Variants in TNS3 observed in about 807,000 individuals in gnomAD.
The protein encoded by TNS3 is tensin 3.
A neutral mutation model predicts 140.9 loss-of-function variants in TNS3; 45 were observed. That is an observed-to-expected ratio of 0.32 (90% confidence interval 0.25 to 0.41). The LOEUF is 0.41. Among genes scored for constraint, TNS3 ranks in the 10% least tolerant of loss-of-function variants. TNS3 has a pLI of 1.00. For synonymous variants in TNS3, 815 were observed against 788.4 expected (o/e 1.03, Z -0.56); for missense variants, 1,716 against 1,906.7 (o/e 0.90, Z 1.86).
At chr7:47,471,062 G>A (rs1796932697) in intron 4 of TNS3, among the ~76,000 whole-genome samples, 1 of 152,130 alleles carries the variant, frequency 6.6e-6, no homozygotes, top group African/African-American at 2.4e-5. Flanking sequence ...GGCCAAGGCT[G>A]CTGGGAAGCC....
intron 23 of TNS3, among the ~76,000 whole-genome samples, chr7:47,300,407 A>G (rs1388747884): frequency 4.6e-5 from 7 of 152,362 alleles, no homozygotes; most frequent in Admixed American, 1.3e-4. Context: ...GATCAAGCAC[A>G]TGCCAACAGC....
intron 17 of TNS3, among the ~76,000 whole-genome samples, chr7:47,363,157 TCA>T (rs59254419): frequency 0.62 from 71,276 of 115,404 alleles, 25,215 homozygotes; most frequent in Non-Finnish European, 0.8. Flanking sequence ...ATCATCATCA[TCA>T]GTCATCACCA....
intron 1 of TNS3, among the ~76,000 whole-genome samples, chr7:47,566,466 C>G (rs1020036298): frequency 9.9e-5 from 15 of 152,168 alleles, no homozygotes; most frequent in African/African-American, 3.6e-4. Context: ...ATTTTCTCCC[C>G]CTCTACTCTC....
intron 20 of TNS3, among the ~76,000 whole-genome samples, chr7:47,334,293 C>A (rs1385656999): frequency 6.6e-6 from 1 of 152,208 alleles, no homozygotes; most frequent in East Asian, 1.9e-4. Flanking sequence ...ACACCCTACT[C>A]TCCAGAAGAA....
intron 1 of TNS3, among the ~76,000 whole-genome samples, chr7:47,547,964 G>C (rs527489020): frequency 1.3e-5 from 2 of 152,202 alleles, no homozygotes; most frequent in African/African-American, 4.8e-5. Flanking sequence ...GCAGTGGCGC[G>C]ATCTCAGTTC....
chr7:47,505,024 T>C (rs768196552), intron 3 of TNS3, among the ~76,000 whole-genome samples: 20 of 152,156 alleles, frequency 1.3e-4, no homozygotes, highest in Non-Finnish European at 2.2e-4. Context: ...GGCGACAGGC[T>C]TCATTTAAGA....
chr7:47,542,685 C>G (rs1394678211), intron 1 of TNS3, among the ~76,000 whole-genome samples: 5 of 152,048 alleles, frequency 3.3e-5, no homozygotes, highest in African/African-American at 1.2e-4. Flanking sequence ...AATCCCAACA[C>G]TTTGGGAGGC....
chr7:47,552,586 A>T (rs1327224486), intron 1 of TNS3, among the ~76,000 whole-genome samples: 1 of 152,160 alleles, frequency 6.6e-6, no homozygotes, highest in African/African-American at 2.4e-5. Flanking sequence ...GTGCTCTTTG[A>T]TGTTACTATT....
chr7:47,321,953 C>T (rs1787759045), intron 20 of TNS3, among the ~76,000 whole-genome samples: 1 of 152,106 alleles, frequency 6.6e-6, no homozygotes, highest in South Asian at 2.1e-4. Context: ...CATCATCCAC[C>T]AAGGTTTTCC....
At chr7:47,404,301 C>T (rs1203753380) in intron 13 of TNS3, among the ~76,000 whole-genome samples, 2 of 152,190 alleles carry the variant, frequency 1.3e-5, no homozygotes, top group African/African-American at 4.8e-5. Flanking sequence ...ACTTTAAATT[C>T]TCTGACTGCA....
chr7:47,555,895 T>G (rs1410622210), intron 1 of TNS3, among the ~76,000 whole-genome samples: 2 of 152,254 alleles, frequency 1.3e-5, no homozygotes, highest in African/African-American at 4.8e-5. Flanking sequence ...TTTATTGCAA[T>G]GGTCCAGTTG....
intron 16 of TNS3, among the ~76,000 whole-genome samples, chr7:47,372,990 G>C (rs879794609): frequency 1.3e-5 from 2 of 152,116 alleles, no homozygotes; most frequent in Non-Finnish European, 2.9e-5. Flanking sequence ...CAGAGCTCTG[G>C]GTAGGCCATC....
intron 4 of TNS3, among the ~76,000 whole-genome samples, chr7:47,456,360 T>G (rs1214113969): frequency 1.3e-5 from 2 of 152,164 alleles, no homozygotes; most frequent in African/African-American, 4.8e-5. Flanking sequence ...GGAAAACCTC[T>G]ATTAAACATT....
intron 20 of TNS3, among the ~76,000 whole-genome samples, chr7:47,342,183 C>T (rs1247474171): frequency 6.6e-6 from 1 of 152,126 alleles, no homozygotes; most frequent in Non-Finnish European, 1.5e-5. Flanking sequence ...GGCTAGCTGG[C>T]CTATTTCTCC....
intron 20 of TNS3, among the ~76,000 whole-genome samples, chr7:47,339,457 C>A (rs1332227570): frequency 6.6e-6 from 1 of 152,128 alleles, no homozygotes. Flanking sequence ...CTGACCTTCC[C>A]CGACTTGCTT....
At chr7:47,503,269 C>T (rs77018247) in intron 3 of TNS3, among the ~76,000 whole-genome samples, 1,789 of 152,168 alleles carry the variant, frequency 0.012, 20 homozygotes, top group Non-Finnish European at 0.02. Context: ...CACCATGATG[C>T]CAGGCTGCAG....
chr7:47,577,383 A>G (rs1332661047), intron 1 of TNS3, among the ~76,000 whole-genome samples: 2 of 152,220 alleles, frequency 1.3e-5, no homozygotes, highest in East Asian at 3.9e-4. Flanking sequence ...GGGAGGAAGG[A>G]AGAGTAAAGA....
intron 27 of TNS3, among the ~76,000 whole-genome samples, chr7:47,286,009 G>A (rs148106899): frequency 2.6e-5 from 4 of 152,324 alleles, no homozygotes; most frequent in African/African-American, 4.8e-5. Flanking sequence ...TAGGAGCTGC[G>A]AGGGAGCCTG....
rs1562776298 is a variant in TNS3, at chr7:47,303,065, G to T, written c.3342C>A (p.Val1114=). 1 of 1,614,236 alleles carries T rather than the reference G, an allele frequency of 6.2e-7. No homozygotes were observed. Among genetic ancestry groups the T allele is most frequent in the Non-Finnish European group, 8.5e-7 (1 of 1,180,038 alleles). Residue 1114 remains valine (V), a synonymous_variant, in exon 22 of 31, where the codon GTC becomes GTA. Transcript: ENST00000311160. ...ASEGDRSLGS[V]SPSSSGFSSP... is the part of the protein sequence containing the mutation. ...TGGAGAAGCCACTGGAGGAGGGAGA[G>T]ACTGAGCCCAAAGAACGATCCCCCT...
Sources: allele counts gnomAD v4.1 joint callset (sites outside exome capture counted in the v4.1 genomes callset), GRCh38; gene constraint gnomAD v4.1.1; transcripts MANE v1.5; gene names NCBI Gene and HGNC (gene_info 2026-07-23, HGNC 2026-07-21).